The following ORC3 variants were observed in gnomAD, a reference collection of about 807,000 sequenced individuals.
The protein encoded by ORC3 is homolog of latheo, Drosophila.
In ORC3, 78 loss-of-function variants were observed where a neutral mutation model predicts 100.7. The observed-to-expected ratio is 0.77, with a 90% CI of 0.65 to 0.94. ORC3 has a LOEUF of 0.94. Ranked by LOEUF, ORC3 falls within the 40% of genes least tolerant of loss-of-function variation. ORC3 has a pLI of 0.00. For synonymous variants in ORC3, 295 were observed against 289.3 expected (o/e 1.02, Z -0.20); for missense variants, 789 against 823.9 (o/e 0.96, Z 0.52).
intron 11 of ORC3, among the ~76,000 whole-genome samples, chr6:87,622,341 G>A (rs750064396): frequency 1.3e-5 from 2 of 152,012 alleles, no homozygotes; most frequent in Non-Finnish European, 2.9e-5. Flanking sequence ...CAGCAATTTC[G>A]TTGTAATGTT....
intron 17 of ORC3, 33 bp from the exon 18 acceptor site, chr6:87,664,710 A>G: frequency 6.6e-7 from 1 of 1,516,522 alleles, no homozygotes; most frequent in Non-Finnish European, 9.2e-7. Context: ...AATTTATAAA[A>G]GTTAGTCATC....
At chr6:87,621,865 A>T in intron 10 of ORC3, 85 bp from the exon 11 acceptor site, 2 of 885,648 alleles carry the variant, frequency 2.3e-6, no homozygotes, top group Non-Finnish European at 3.7e-6. Context: ...CTACCAATCT[A>T]GGTAGTTCTT....
At chr6:87,677,475 C>T in the ORC3 span, among the ~76,000 whole-genome samples, 20,109 of 152,066 alleles carry the variant, frequency 0.13, 1,505 homozygotes, top group African/African-American at 0.2. Context: ...TACACAGTGA[C>T]AGCCAATTAG....
At chr6:87,607,261 T>C (rs1490250002) in intron 5 of ORC3, among the ~76,000 whole-genome samples, 1 of 152,112 alleles carries the variant, frequency 6.6e-6, no homozygotes, top group African/African-American at 2.4e-5. Flanking sequence ...AAACCCCGTC[T>C]CTACTAAAAA....
chr6:87,609,027 G>C (rs549164030), intron 6 of ORC3, 69 bp from the exon 7 acceptor site: 65 of 1,252,032 alleles, frequency 5.2e-5, no homozygotes, highest in Admixed American at 1.3e-4. Context: ...ATGTCAACAT[G>C]TGGCATTATA....
At chr6:87,655,539 G>A (rs981065144) in intron 14 of ORC3, among the ~76,000 whole-genome samples, 6 of 151,816 alleles carry the variant, frequency 4.0e-5, no homozygotes, top group African/African-American at 1.2e-4. Context: ...TTTTTGTAGG[G>A]ATGGGGTTTT....
chr6:87,659,225 G>C, intron 16 of ORC3, among the ~76,000 whole-genome samples: 1 of 151,812 alleles, frequency 6.6e-6, no homozygotes, highest in Middle Eastern at 3.2e-3. Context: ...CAACAGGCCT[G>C]GCTAATTTTT....
chr6:87,636,597 G>A, intron 13 of ORC3, 111 bp downstream of exon 13: 1 of 688,934 alleles, frequency 1.5e-6, no homozygotes, highest in South Asian at 1.7e-5. Context: ...TAGCCATGTT[G>A]TGTCTAAGAA....
the ORC3 span, among the ~76,000 whole-genome samples, chr6:87,673,120 A>G: frequency 6.0e-5 from 9 of 149,962 alleles, no homozygotes; most frequent in African/African-American, 2.2e-4. Context: ...ATAAGTGATA[A>G]TGCAGAAATT....
chr6:87,608,549 G>A (rs568549817), intron 6 of ORC3, among the ~76,000 whole-genome samples: 4 of 152,184 alleles, frequency 2.6e-5, no homozygotes, highest in South Asian at 2.1e-4. Flanking sequence ...ACTAAACTAC[G>A]TCTAATACTT....
Position 87,602,954 on chromosome 6 carries a change from A to AATATATATATATATATATATATAT in ORC3, c.178-413_178-412insTATATATATATATATATATATATA, listed in dbSNP as rs397935596. Among the ~76,000 whole-genome samples, 148 of 94,974 alleles carry AATATATATATATATATATATATAT rather than the reference A, an allele frequency of 1.6e-3. 2 individuals are homozygous for AATATATATATATATATATATATAT. Among genetic ancestry groups the AATATATATATATATATATATATAT allele is most frequent in the Admixed American group, 2.5e-3 (18 of 7,194 alleles). The allele number at this position is 94,974 out of a possible 152,430, so 62.3% of individuals were successfully genotyped here. On this transcript the variant is annotated intron_variant, in intron 3 of 19. Transcript: ENST00000392844. Reference sequence around the variant, plus strand: ...CGTTTATATATATATACACATATATAATATATATATATATATACATATATA... The same window carrying AATATATATATATATATATATATAT: ...CGTTTATATATATATACACATATATAATATATATATATATATATATATATATATATATATATATATACATATATA...
At chr6:87,669,766 A>T (rs1298193510), downstream of ORC3, among the ~76,000 whole-genome samples, 1 of 152,208 alleles carries the variant, frequency 6.6e-6, no homozygotes, top group Non-Finnish European at 1.5e-5. Flanking sequence ...GTACAAATCT[A>T]GGGAAAGAAT....
At chr6:87,629,033 G>A (rs561892782) in intron 11 of ORC3, among the ~76,000 whole-genome samples, 1 of 152,238 alleles carries the variant, frequency 6.6e-6, no homozygotes, top group Non-Finnish European at 1.5e-5. Flanking sequence ...AGAACAAAAG[G>A]TAGAGACAGA....
In ORC3 at chr6:87,612,112, T is replaced by C; in HGVS notation, c.737T>C (p.Leu246Pro). 6.2e-7 allele frequency: 1 copy of C among 1,611,412 alleles called. No individual in the cohort carries two copies. The highest frequency in any genetic ancestry group is 8.5e-7 in the Non-Finnish European group (1 of 1,179,436). ...ISSQHLHEFPLILIFGIATSP... is the reference protein window; with the variant it reads ...ISSQHLHEFPPILIFGIATSP... ...AGTCAACATCTCCATGAATTTCCAC[T>C]AATACTCATTTTTGGAATAGCCACA... is the stretch of plus-strand genomic sequence containing the variant. Residue 246 changes from leucine (L) to proline (P), a missense_variant, in exon 8 of 20, where the codon CTA (leucine) becomes CCA (proline). This residue lies in a region of ORC3 where 399 missense variants were observed against 382.0 expected (regional missense o/e 1.04). Coordinates refer to ENST00000392844, the MANE Select transcript of ORC3 (RefSeq NM_012381.4).
intron 13 of ORC3, among the ~76,000 whole-genome samples, chr6:87,650,064 T>C (rs1387477081): frequency 6.0e-5 from 9 of 148,964 alleles, no homozygotes; most frequent in Non-Finnish European, 1.0e-4. Context: ...ACACTCTCTT[T>C]TTTTTTTTTT....
intron 2 of ORC3, among the ~76,000 whole-genome samples, chr6:87,599,348 T>A (rs1239778835): frequency 5.0e-5 from 7 of 140,328 alleles, no homozygotes; most frequent in Non-Finnish European, 9.2e-5. Flanking sequence ...TTTGTCTCTT[T>A]TTTTTATTAT....
downstream of ORC3, among the ~76,000 whole-genome samples, chr6:87,671,937 C>T (rs1477459281): frequency 1.3e-5 from 2 of 152,062 alleles, no homozygotes; most frequent in South Asian, 2.1e-4. Flanking sequence ...CCGAAACTTG[C>T]GAAAACTTTA....
At chr6:87,660,634 A>C (rs6454640) in intron 16 of ORC3, among the ~76,000 whole-genome samples, 94,936 of 152,130 alleles carry the variant, frequency 0.62, 30,839 homozygotes, top group African/African-American at 0.81. Context: ...ATCTTGAGAG[A>C]TGAGAATAAA....
At chr6:87,645,984 C>CT (rs747686139) in intron 13 of ORC3, among the ~76,000 whole-genome samples, 6,456 of 126,786 alleles carry the variant, frequency 0.051, 471 homozygotes, top group African/African-American at 0.082. Context: ...CTTTTTTTTT[C>CT]TTTTTTTTTT....
Sources: gnomAD v4.1 joint callset for allele counts (sites outside exome capture counted in the v4.1 genomes callset) on GRCh38, gnomAD v4.1.1 for gene constraint, gnomAD v4.1.1 regional missense constraint, MANE v1.5 for transcripts, NCBI Gene and HGNC (gene_info 2026-07-23, HGNC 2026-07-21) for gene names.